The following KHDRBS1 variants were observed in gnomAD, a reference collection of about 807,000 sequenced individuals.
KHDRBS1 encodes KH RNA binding domain containing, signal transduction associated 1.
Under a neutral mutation model 48.4 loss-of-function variants are expected in KHDRBS1, and 7 were observed. The ratio of observed to expected loss-of-function variants is 0.14; its 90% CI spans 0.08 to 0.27. The LOEUF is 0.27. KHDRBS1 is among the 10% of genes least tolerant of loss of function. KHDRBS1 has a pLI of 1.00. For synonymous variants in KHDRBS1, 241 were observed against 235.8 expected (o/e 1.02, Z -0.20); for missense variants, 458 against 601.2 (o/e 0.76, Z 2.49).
rs1639309401 is a variant in KHDRBS1, at chr1:32,042,957, C to T, written c.*333C>T. 1 of 161,744 alleles carries T rather than the reference C, an allele frequency of 6.2e-6. No individual in the cohort carries two copies. The highest frequency in any genetic ancestry group is 1.3e-5 in the Non-Finnish European group (1 of 74,772). The allele number at this position is 161,744 out of a possible 1,614,324, so 10.0% of individuals were successfully genotyped here. ...GAGTAAAAAAAAAAAACACACAAACCTGTTAGTTTCAAAAATGACATTGCT... is the reference window on the plus strand; with the variant it reads ...GAGTAAAAAAAAAAAACACACAAACTTGTTAGTTTCAAAAATGACATTGCT... On this transcript the variant is annotated 3_prime_UTR_variant, in exon 9 of 9. Coordinates refer to ENST00000327300, the MANE Select transcript of KHDRBS1 (RefSeq NM_006559.3).
rs1164069438 is a variant in KHDRBS1, at chr1:32,033,236, A to G, written c.673A>G (p.Met225Val). ...GGDPKYAHLN[M>V]DLHVFIEVFG... ...AGACCCCAAATATGCCCACTTGAAT[A>G]TGGATCTGCATGTCTTCATTGAAGT... The change falls in exon 4 of 9, where the codon ATG becomes GTG. Residue 225 changes from methionine to valine, a missense_variant. Transcript: ENST00000327300. 2 of 1,614,152 alleles carry G rather than the reference A, an allele frequency of 1.2e-6. No homozygotes were observed. The highest frequency in any genetic ancestry group is 2.2e-5 in the East Asian group (1 of 44,870).
In KHDRBS1 at chr1:32,043,263, T is replaced by C. The variant is rs1243374035; in HGVS notation, c.*639T>C. On this transcript the variant is annotated 3_prime_UTR_variant, in exon 9 of 9. Coordinates refer to ENST00000327300, the MANE Select transcript of KHDRBS1 (RefSeq NM_006559.3). ...CTCATGAATTAAATAGTTGATGCAA[T>C]TTTTAACGTTAATTGATATAAAAAA... 1.3e-5 allele frequency: 2 copies of C among 152,128 alleles called. No homozygotes were observed. The highest frequency in any genetic ancestry group is 2.9e-5 in the Non-Finnish European group (2 of 68,002). 9.4% of individuals were successfully genotyped at this position (152,128 alleles called of 1,614,324 possible).
At chr1:32,017,600 CTT>C (rs34505125) in intron 1 of KHDRBS1, among the ~76,000 whole-genome samples, 29 of 73,812 alleles carry the variant, frequency 3.9e-4, no homozygotes, top group African/African-American at 1.5e-3. Flanking sequence ...TCTTTTTCTA[CTT>C]TTTTTTTTTT....
At position 32,032,282 on chromosome 1, in the gene KHDRBS1, A is replaced by G. The variant is rs146006796; in HGVS notation, c.624+642A>G. On this transcript the variant is annotated intron_variant, in intron 3 of 8. Coordinates refer to ENST00000327300, the MANE Select transcript of KHDRBS1 (RefSeq NM_006559.3). ...TTATTTGATGAGATATTCCTGCTAC[A>G]GTCCAAAAACCAATTCTTTCAACCC... is the stretch of plus-strand genomic sequence containing the variant. Among the ~76,000 whole-genome samples, 19 of 152,364 alleles carry G rather than the reference A, an allele frequency of 1.2e-4. No individual in the cohort carries two copies. The East Asian group carries it at 3.1e-3, about 25-fold the overall frequency.
At chr1:32,027,563 G>A (rs1639000112) in intron 1 of KHDRBS1, among the ~76,000 whole-genome samples, 1 of 152,142 alleles carries the variant, frequency 6.6e-6, no homozygotes, top group South Asian at 2.1e-4. Context: ...ATTGTGAAGA[G>A]CACTGTCATT....
intron 1 of KHDRBS1, 119 bp downstream of exon 1, chr1:32,014,496 C>A: frequency 4.7e-6 from 5 of 1,059,368 alleles, no homozygotes; most frequent in Non-Finnish European, 6.2e-6. Context: ...GTTCCGGTCT[C>A]ATCCTCATTT....
chr1:32,014,052 C>T lies in KHDRBS1; in HGVS notation c.57C>T (p.Gly19=). Residue 19 remains glycine (G), a synonymous_variant, in exon 1 of 9, where the codon GGC becomes GGT. Coordinates refer to ENST00000327300, the MANE Select transcript of KHDRBS1 (RefSeq NM_006559.3). The part of the protein sequence containing the change: ...ARMSRSSGRS[G]SMDPSGAHPS... ...TGAGCCGGTCTTCGGGCCGTAGCGG[C>T]TCCATGGACCCCTCCGGTGCCCACC... 3 of 1,513,854 alleles carry T rather than the reference C, an allele frequency of 2.0e-6. No homozygotes were observed. Among genetic ancestry groups the T allele is most frequent in the Non-Finnish European group, 2.6e-6 (3 of 1,141,642 alleles). The allele number at this position is 1,513,854 out of a possible 1,614,324, so 93.8% of individuals were successfully genotyped here.
chr1:32,014,391 C>A lies in KHDRBS1; in HGVS notation c.382+14C>A. 7.4e-7 allele frequency: 1 copy of A among 1,359,832 alleles called. No homozygotes were observed. Among genetic ancestry groups the A allele is most frequent in the African/African-American group, 1.5e-5 (1 of 67,504 alleles). The allele number at this position is 1,359,832 out of a possible 1,614,324, so 84.2% of individuals were successfully genotyped here. ...TGCTGACGGCAGGTAAGGGGGCCTC[C>A]CGTGTCCCTCTGGGTCGCCCGGCCA... On this transcript the variant is annotated intron_variant, in intron 1 of 8. Transcript: ENST00000327300.
chr1:32,047,652 GAGTT>G (rs2124396186), downstream of KHDRBS1, among the ~76,000 whole-genome samples: 1 of 152,266 alleles, frequency 6.6e-6, no homozygotes, highest in Admixed American at 6.5e-5. Context: ...TATCCTAACA[GAGTT>G]AGTAAGTATC....
Position 32,018,674 on chromosome 1 carries a change from G to A in KHDRBS1, c.382+4297G>A, listed in dbSNP as rs532272656. 6.0e-5 allele frequency among the ~76,000 whole-genome samples: 9 copies of A among 149,128 alleles called. No individual in the cohort carries two copies. The East Asian group carries it at 1.4e-3, about 23-fold the overall frequency. On this transcript the variant is annotated intron_variant, in intron 1 of 8. Transcript: ENST00000327300. ...GGGGAGGCTGAGGCAGGAGAATGGC[G>A]TGAACCCGGGAGGCGGAGTTTGCAG... is the stretch of plus-strand genomic sequence containing the variant.
chr1:32,014,111 C>T lies in KHDRBS1; in HGVS notation c.116C>T (p.Pro39Leu). The T allele has an allele frequency of 7.0e-7, 1 of 1,428,772 alleles. No homozygotes were observed. The highest frequency in any genetic ancestry group is 1.5e-5 in the African/African-American group (1 of 67,366). 88.5% of individuals were successfully genotyped at this position (1,428,772 alleles called of 1,614,324 possible). A position where few individuals can be genotyped will look rare whatever the true frequency, so the allele number is the denominator to read the frequency against. ...CGTCAGACGCCGTCTCGGCAGCCGC[C>T]GCTGCCTCACCGGTCCCGGGGAGGC... Reference protein sequence around the residue: ...SVRQTPSRQPPLPHRSRGGGG... With the variant: ...SVRQTPSRQPLLPHRSRGGGG... Residue 39 changes from proline to leucine, a missense_variant, in exon 1 of 9, where the codon CCG (proline) becomes CTG (leucine). Around this residue, in one of 3 missense-constraint regions of KHDRBS1, gnomAD observed 213 missense variants for 215.6 expected, o/e 0.99. Transcript: ENST00000327300.
intron 1 of KHDRBS1, among the ~76,000 whole-genome samples, chr1:32,021,147 A>T (rs552761963): frequency 3.3e-5 from 5 of 152,158 alleles, no homozygotes; most frequent in Non-Finnish European, 7.3e-5. Context: ...CAAAGTTGCA[A>T]AGCTCTAAAT....
At chr1:32,016,512 C>CA (rs879770936) in intron 1 of KHDRBS1, among the ~76,000 whole-genome samples, 70 of 139,598 alleles carry the variant, frequency 5.0e-4, no homozygotes, top group Middle Eastern at 3.6e-3. Context: ...GATAGGTGAC[C>CA]AAAAAAAAAA....
chr1:32,047,575 A>G (rs1008434753), downstream of KHDRBS1, among the ~76,000 whole-genome samples: 1 of 152,192 alleles, frequency 6.6e-6, no homozygotes, highest in South Asian at 2.1e-4. Flanking sequence ...AAACCCTTTC[A>G]GTGCCTCATT....
At chr1:32,036,771 A>G in intron 4 of KHDRBS1, 139 bp from the exon 5 acceptor site, 3 of 798,034 alleles carry the variant, frequency 3.8e-6, no homozygotes, top group South Asian at 4.3e-5. Context: ...GTGCCATTTG[A>G]CTTCAGAGAA....
Position 32,033,322 on chromosome 1 carries a change from A to G in KHDRBS1, c.759A>G (p.Lys253=), listed in dbSNP as rs777031098. 6.2e-7 allele frequency: 1 copy of G among 1,614,130 alleles called. No individual in the cohort carries two copies. ...CCCATGCCATGGAGGAAGTCAAGAAATTTCTAGTACCGGTAAGGAAATCCA... is the reference window on the plus strand; with the variant it reads ...CCCATGCCATGGAGGAAGTCAAGAAGTTTCTAGTACCGGTAAGGAAATCCA... ...LMAHAMEEVK[K]FLVPDMMDDI... The change falls in exon 4 of 9, where the codon AAA becomes AAG. Residue 253 remains lysine (K), a synonymous_variant. Transcript: ENST00000327300.
intron 4 of KHDRBS1, among the ~76,000 whole-genome samples, chr1:32,035,366 G>C (rs1182537122): frequency 6.6e-6 from 1 of 152,118 alleles, no homozygotes; most frequent in Non-Finnish European, 1.5e-5. Flanking sequence ...TAAGGTAGGA[G>C]GAGCTAGAGA....
Position 32,014,949 on chromosome 1 carries a change from G to A in KHDRBS1, c.382+572G>A, listed in dbSNP as rs1435370035. Among the ~76,000 whole-genome samples, 3 of 152,172 alleles carry A rather than the reference G, an allele frequency of 2.0e-5. No individual in the cohort carries two copies. In the East Asian group the frequency reaches 5.8e-4, roughly 29 times the overall value. ...CTGGGAGGAAGGAGCGATTTATGTG[G>A]ATCGGAGCTTGAGGTTTCCGAATCA... On this transcript the variant is annotated intron_variant, in intron 1 of 8. Transcript: ENST00000327300.
chr1:32,021,057 C>CT (rs1197134663), intron 1 of KHDRBS1, among the ~76,000 whole-genome samples: 1 of 151,750 alleles, frequency 6.6e-6, no homozygotes, highest in African/African-American at 2.4e-5. Flanking sequence ...ATGGGGAAAA[C>CT]TAAAGTATAC....
Sources: allele counts gnomAD v4.1 joint callset (sites outside exome capture counted in the v4.1 genomes callset), GRCh38; gene constraint gnomAD v4.1.1; regional missense constraint gnomAD v4.1.1; transcripts MANE v1.5; gene names NCBI Gene and HGNC (gene_info 2026-07-23, HGNC 2026-07-21).